The following HECW1 variants were observed in gnomAD, a reference collection of about 807,000 sequenced individuals.
HECW1 encodes the protein HECT, C2 and WW domain containing E3 ubiquitin protein ligase 1, also known as E3 ubiquitin-protein ligase HECW1.
A neutral mutation model predicts 182.3 loss-of-function variants in HECW1; 61 were observed. The observed-to-expected ratio is 0.33, with a 90% CI of 0.27 to 0.41. The LOEUF (loss-of-function observed/expected upper bound fraction) is 0.41, where lower values mean the gene tolerates loss of function less well. Among genes scored for constraint, HECW1 ranks in the 10% least tolerant of loss-of-function variants. HECW1 has a pLI of 1.00. For missense variants in HECW1, 1,739 were observed against 2,108.9 expected (o/e 0.82, Z 3.44); for synonymous variants, 859 against 832.6 (o/e 1.03, Z -0.55).
chr7:43,533,617 A>C (rs2081071104), intron 24 of HECW1, among the ~76,000 whole-genome samples: 1 of 143,108 alleles, frequency 7.0e-6, no homozygotes, highest in African/African-American at 2.5e-5. Context: ...AGAAGATGCC[A>C]TAGTGGTTAG....
chr7:43,280,383 G>A (rs548433511), intron 3 of HECW1, among the ~76,000 whole-genome samples: 9 of 152,182 alleles, frequency 5.9e-5, no homozygotes, highest in Admixed American at 4.6e-4. Context: ...TTTACTCTAG[G>A]AAATAGCAAT....
At chr7:43,275,250 G>T (rs1482613038) in intron 3 of HECW1, among the ~76,000 whole-genome samples, 1 of 152,048 alleles carries the variant, frequency 6.6e-6, no homozygotes, top group East Asian at 1.9e-4. Context: ...CTTTATGAAA[G>T]AATTCTCCTA....
Position 43,546,973 on chromosome 7 carries a change from G to A in HECW1, c.4249-3472G>A, listed in dbSNP as rs144639349. 7.2e-5 allele frequency among the ~76,000 whole-genome samples: 11 copies of A among 152,246 alleles called. No homozygotes were observed. In the East Asian group the frequency reaches 7.7e-4, roughly 11 times the overall value. ...CCTGCATTAAAAACCTGTACAGGCC[G>A]ATATCCTTTCTCCTCAGTGATTTTC... On this transcript the variant is annotated intron_variant, in intron 26 of 29. Transcript: ENST00000395891.
At chr7:43,292,821 C>T (rs930132992) in intron 3 of HECW1, among the ~76,000 whole-genome samples, 6 of 152,152 alleles carry the variant, frequency 3.9e-5, no homozygotes, top group Non-Finnish European at 5.9e-5. Context: ...GGATATGTCA[C>T]TAGTAGAGGG....
chr7:43,117,693 T>A (rs1219616900), intron 2 of HECW1, among the ~76,000 whole-genome samples: 1 of 152,174 alleles, frequency 6.6e-6, no homozygotes, highest in Non-Finnish European at 1.5e-5. Context: ...AGCAGCATAT[T>A]AGCAATTTTA....
intron 3 of HECW1, among the ~76,000 whole-genome samples, chr7:43,269,828 G>A (rs1268220893): frequency 6.6e-6 from 1 of 152,198 alleles, no homozygotes; most frequent in African/African-American, 2.4e-5. Flanking sequence ...ATGTCTGGAG[G>A]CATTTTTTGG....
chr7:43,517,446 G>A (rs1036132696), intron 24 of HECW1, among the ~76,000 whole-genome samples: 1 of 151,990 alleles, frequency 6.6e-6, no homozygotes, highest in Non-Finnish European at 1.5e-5. Context: ...TGGGGGAGGA[G>A]GGAAGCTCTT....
chr7:43,562,446 C>T lies in HECW1; in HGVS notation c.*520C>T, dbSNP rs1476281753. On this transcript the variant is annotated 3_prime_UTR_variant, in exon 30 of 30. Coordinates refer to ENST00000395891, the MANE Select transcript of HECW1 (RefSeq NM_015052.5). ...ATCTACTTTTCCCTGTGCATAATAT[C>T]CATCCAAAGGACAACAGTGGCAAAG... The T allele has an allele frequency of 4.4e-6, 1 of 228,286 alleles. No homozygotes were observed. Among genetic ancestry groups the T allele is most frequent in the Non-Finnish European group, 8.7e-6 (1 of 114,918 alleles). 14.1% of individuals were successfully genotyped at this position (228,286 alleles called of 1,614,324 possible). A position where few individuals can be genotyped will look rare whatever the true frequency, so the allele number is the denominator to read the frequency against.
At chr7:43,303,306 C>T (rs1025382165) in intron 3 of HECW1, among the ~76,000 whole-genome samples, 19 of 151,844 alleles carry the variant, frequency 1.3e-4, no homozygotes, top group Admixed American at 3.3e-4. Flanking sequence ...GAATGGTGTG[C>T]GAGCGACAAG....
chr7:43,551,594 T>C (rs188415274), intron 27 of HECW1, among the ~76,000 whole-genome samples: 6 of 152,226 alleles, frequency 3.9e-5, no homozygotes, highest in Non-Finnish European at 5.9e-5. Context: ...AAAACTTCAA[T>C]GTGACTTAAG....
At chr7:43,395,103 A>G (rs1444151750) in intron 6 of HECW1, among the ~76,000 whole-genome samples, 7 of 152,076 alleles carry the variant, frequency 4.6e-5, no homozygotes, top group Non-Finnish European at 7.4e-5. Flanking sequence ...TATCTCAAAC[A>G]CTGATCTCAG....
At chr7:43,522,566 G>C (rs1452966481) in intron 24 of HECW1, 1 of 153,472 alleles carries the variant, frequency 6.5e-6, no homozygotes, top group East Asian at 1.9e-4. Context: ...GCCCTGGCGT[G>C]CTCTCACCTG....
At chr7:43,163,059 CACCTTTGG>C (rs978456773) in intron 2 of HECW1, 7 of 152,230 alleles carry the variant, frequency 4.6e-5, no homozygotes, top group African/African-American at 7.2e-5. Flanking sequence ...AACAACCCGG[CACCTTTGG>C]ACCTGTGCAG....
At chr7:43,327,414 C>T (rs1052545254) in intron 5 of HECW1, among the ~76,000 whole-genome samples, 8 of 152,094 alleles carry the variant, frequency 5.3e-5, no homozygotes, top group African/African-American at 1.9e-4. Context: ...CACTGTGTAA[C>T]GGTCGTGAAG....
At chr7:43,492,766 G>A (rs1563052088) in intron 18 of HECW1, among the ~76,000 whole-genome samples, 1 of 152,286 alleles carries the variant, frequency 6.6e-6, no homozygotes, top group East Asian at 1.9e-4. Context: ...GAAGAGAGGA[G>A]AACTCCTCTT....
intron 3 of HECW1, among the ~76,000 whole-genome samples, chr7:43,248,344 T>C (rs1263781409): frequency 6.6e-6 from 1 of 152,102 alleles, no homozygotes; most frequent in East Asian, 1.9e-4. Context: ...TTTTATGTTC[T>C]TGCTTAAATC....
At chr7:43,214,651 C>T (rs1002879931) in intron 2 of HECW1, among the ~76,000 whole-genome samples, 21 of 152,068 alleles carry the variant, frequency 1.4e-4, no homozygotes, top group African/African-American at 5.1e-4. Flanking sequence ...ACTCAAGGTG[C>T]CTAATTTAAG....
chr7:43,416,890 G>A (rs1254095717), intron 8 of HECW1, among the ~76,000 whole-genome samples: 2 of 151,906 alleles, frequency 1.3e-5, no homozygotes, highest in African/African-American at 4.8e-5. Context: ...TTCGGCTCGA[G>A]CACGGTGTGC....
intron 24 of HECW1, among the ~76,000 whole-genome samples, chr7:43,515,852 T>A (rs2080123235): frequency 6.6e-6 from 1 of 152,224 alleles, no homozygotes; most frequent in African/African-American, 2.4e-5. Flanking sequence ...CAAGTTAAAA[T>A]GCTCGCATAT....
Sources: allele counts gnomAD v4.1 joint callset (sites outside exome capture counted in the v4.1 genomes callset), GRCh38; gene constraint gnomAD v4.1.1; transcripts MANE v1.5; gene names NCBI Gene and HGNC (gene_info 2026-07-23, HGNC 2026-07-21).